The following CCDC7 variants were observed in gnomAD, a reference collection of about 807,000 sequenced individuals.
CCDC7 encodes the protein coiled-coil domain containing 7.
In CCDC7, 183 loss-of-function variants were observed where a neutral mutation model predicts 196.9. That is an observed-to-expected ratio of 0.93 (90% CI 0.82 to 1.05). The LOEUF (loss-of-function observed/expected upper bound fraction) is 1.05, where lower values mean the gene tolerates loss of function less well. Ranked by LOEUF, CCDC7 falls within the 50% of genes least tolerant of loss-of-function variation. The pLI is 0.00. For synonymous variants in CCDC7, 525 were observed against 484.6 expected (o/e 1.08, Z -1.10); for missense variants, 1,540 against 1,482.2 (o/e 1.04, Z -0.64).
chr10:32,782,493 G>T (rs868437093), intron 29 of CCDC7, among the ~76,000 whole-genome samples: 1 of 152,130 alleles, frequency 6.6e-6, no homozygotes, highest in African/African-American at 2.4e-5. Flanking sequence ...CTCCCAAAGT[G>T]CTGGGATTAC....
intron 11 of CCDC7, among the ~76,000 whole-genome samples, chr10:32,531,186 G>C (rs548374588): frequency 6.6e-6 from 1 of 152,122 alleles, no homozygotes; most frequent in South Asian, 2.1e-4. Context: ...GCAATGGTGT[G>C]ATTTTGGCTC....
At chr10:32,758,143 G>A (rs1319495346) in intron 28 of CCDC7, among the ~76,000 whole-genome samples, 1 of 152,078 alleles carries the variant, frequency 6.6e-6, no homozygotes, top group Non-Finnish European at 1.5e-5. Flanking sequence ...AGGACCAGAT[G>A]GATTCACAAC....
chr10:32,567,551 T>C, intron 14 of CCDC7, 119 bp from the exon 16 acceptor site: 1 of 1,184,278 alleles, frequency 8.4e-7, no homozygotes, highest in Non-Finnish European at 1.2e-6. Context: ...TCCCTTCAAC[T>C]CAGTAAAAAT....
At chr10:32,843,400 G>A (rs1248140065) in intron 33 of CCDC7, among the ~76,000 whole-genome samples, 11 of 151,948 alleles carry the variant, frequency 7.2e-5, no homozygotes, top group Non-Finnish European at 1.6e-4. Context: ...AATTTGATTA[G>A]TATAAACTCA....
At chr10:32,812,689 A>T (rs1593017501) in intron 30 of CCDC7, among the ~76,000 whole-genome samples, 1 of 152,130 alleles carries the variant, frequency 6.6e-6, no homozygotes, top group Non-Finnish European at 1.5e-5. Flanking sequence ...ATTGTGAAGG[A>T]GAAAGATTGT....
At chr10:32,766,838 AC>A (rs1460887896) in intron 28 of CCDC7, among the ~76,000 whole-genome samples, 2 of 151,948 alleles carry the variant, frequency 1.3e-5, no homozygotes, top group Non-Finnish European at 2.9e-5. Context: ...CTGCTACATT[AC>A]CTTCTCTCTC....
At position 32,456,319 on chromosome 10, in the gene CCDC7, TAAA is replaced by T. The variant is rs371686762; in HGVS notation, c.442_444del (p.Lys148del). The T allele has an allele frequency of 7.3e-5, 115 of 1,572,702 alleles. 1 individual carries two copies. The African/African-American group carries it at 9.5e-4, about 13-fold the overall frequency. Reference sequence around the variant, plus strand: ...TTGCAGCTCAGCTAGAAGAAGCACTTAAAGAAGAACAAAATGTATGTATTCTGT... The same window carrying T: ...TTGCAGCTCAGCTAGAAGAAGCACTTGAAGAACAAAATGTATGTATTCTGT... On this transcript the variant is annotated inframe_deletion, in exon 3 of 42. Transcript: ENST00000639629.
intron 18 of CCDC7, among the ~76,000 whole-genome samples, chr10:32,586,345 G>A (rs1039955812): frequency 6.6e-6 from 1 of 152,106 alleles, no homozygotes; most frequent in Non-Finnish European, 1.5e-5. Context: ...TCTGATGATA[G>A]TTTCTTTTGC....
Position 32,815,815 on chromosome 10 carries a change from T to G in CCDC7, c.3181+1362T>G, listed in dbSNP as rs964862415. ...ACATCTGACTCAGCATTAGAAACTT[T>G]TGAAGTCCAGAAGGCTGTGGTGTTG... is the stretch of plus-strand genomic sequence containing the variant. On this transcript the variant is annotated intron_variant, in intron 31 of 41. Coordinates refer to ENST00000639629, the Ensembl canonical transcript of CCDC7. Among the ~76,000 whole-genome samples the G allele has an allele frequency of 5.3e-5, 8 of 152,190 alleles. No homozygotes were observed. The East Asian group carries it at 1.3e-3, about 26-fold the overall frequency.
At chr10:32,489,430 C>A (rs190871427) in intron 8 of CCDC7, among the ~76,000 whole-genome samples, 41 of 152,298 alleles carry the variant, frequency 2.7e-4, no homozygotes, top group Admixed American at 1.3e-3. Context: ...GATGCATGTG[C>A]AGTCAGAGTC....
At chr10:32,638,579 T>C (rs1356490414) in intron 20 of CCDC7, among the ~76,000 whole-genome samples, 7 of 152,180 alleles carry the variant, frequency 4.6e-5, no homozygotes, top group Non-Finnish European at 1.0e-4. Flanking sequence ...AGGGATGAAG[T>C]CCACTTGATC....
intron 20 of CCDC7, among the ~76,000 whole-genome samples, chr10:32,654,237 G>A (rs2069329575): frequency 1.3e-5 from 2 of 152,222 alleles, no homozygotes. Flanking sequence ...CTTTAGATAT[G>A]ATTCCCTTTA....
intron 25 of CCDC7, among the ~76,000 whole-genome samples, chr10:32,719,814 A>G (rs1043531239): frequency 1.3e-5 from 2 of 152,206 alleles, no homozygotes; most frequent in African/African-American, 4.8e-5. Context: ...CAAAACCACA[A>G]TGAGATACCA....
In CCDC7 at chr10:32,801,297, A is replaced by T. The variant is rs141922903; in HGVS notation, c.3014-3718A>T. Among the ~76,000 whole-genome samples the T allele has an allele frequency of 1.2e-3, 178 of 152,310 alleles. 1 individual carries two copies. Among genetic ancestry groups the T allele is most frequent in the African/African-American group, 4.0e-3 (168 of 41,572 alleles). The stretch of plus-strand genomic sequence containing the variant: ...GCATCCTGATCTCCTAAGACTTTGG[A>T]TCTTTTTCTCTACATTAAACCAAGA... On this transcript the variant is annotated intron_variant, in intron 29 of 41. Transcript: ENST00000639629.
chr10:32,702,713 G>T (rs1411002792), intron 24 of CCDC7, among the ~76,000 whole-genome samples: 1 of 152,140 alleles, frequency 6.6e-6, no homozygotes, highest in Non-Finnish European at 1.5e-5. Context: ...CCTGTATTGG[G>T]TGCATACATA....
At chr10:32,759,972 C>T (rs1468342413) in intron 28 of CCDC7, among the ~76,000 whole-genome samples, 2 of 152,024 alleles carry the variant, frequency 1.3e-5, no homozygotes, top group African/African-American at 2.4e-5. Flanking sequence ...GACATTTATG[C>T]AGCCAAAAAA....
At chr10:32,541,076 T>C (rs975907156) in intron 11 of CCDC7, among the ~76,000 whole-genome samples, 4 of 152,036 alleles carry the variant, frequency 2.6e-5, no homozygotes, top group Admixed American at 2.6e-4. Flanking sequence ...CTTTTTTCTT[T>C]GTTTTTGTCT....
downstream of CCDC7, among the ~76,000 whole-genome samples, chr10:32,877,838 T>C (rs1205473585): frequency 6.6e-6 from 1 of 152,128 alleles, no homozygotes; most frequent in Non-Finnish European, 1.5e-5. Context: ...AACCAGATTC[T>C]CTGTGTGATT....
intron 20 of CCDC7, among the ~76,000 whole-genome samples, chr10:32,653,568 G>T (rs1288316841): frequency 6.6e-6 from 1 of 152,166 alleles, no homozygotes; most frequent in East Asian, 1.9e-4. Flanking sequence ...TGCATGGATA[G>T]TCATTCAATT....
Sources: gnomAD v4.1 joint callset for allele counts (sites outside exome capture counted in the v4.1 genomes callset) on GRCh38, gnomAD v4.1.1 for gene constraint, MANE v1.5 for transcripts, NCBI Gene and HGNC (gene_info 2026-07-23, HGNC 2026-07-21) for gene names.